Variants in FUT8 observed in about 807,000 individuals in gnomAD.
FUT8 encodes fucosyltransferase 8.
FUT8 carries 29 observed loss-of-function variants against 71.3 expected under a neutral mutation model. The ratio of observed to expected loss-of-function variants is 0.41; its 90% CI spans 0.30 to 0.55. The LOEUF is 0.55. FUT8 is among the 20% of genes least tolerant of loss of function. The pLI is 0.34. For synonymous variants in FUT8, 254 were observed against 239.3 expected (o/e 1.06, Z -0.57); for missense variants, 544 against 702.1 (o/e 0.77, Z 2.55).
intron 1 of FUT8, among the ~76,000 whole-genome samples, chr14:65,423,168 T>G (rs1008352893): frequency 7.9e-5 from 12 of 151,522 alleles, no homozygotes; most frequent in Admixed American, 2.6e-4. Context: ...GTATTTTTTG[T>G]AGAGACGGGG....
At chr14:65,497,585 T>C (rs1462908674) in intron 2 of FUT8, among the ~76,000 whole-genome samples, 1 of 152,138 alleles carries the variant, frequency 6.6e-6, no homozygotes, top group African/African-American at 2.4e-5. Flanking sequence ...ATTTTATTGG[T>C]AATGGAGGTG....
intron 6 of FUT8, among the ~76,000 whole-genome samples, chr14:65,658,503 A>G (rs952036950): frequency 1.3e-5 from 2 of 152,144 alleles, no homozygotes; most frequent in Non-Finnish European, 2.9e-5. Context: ...AGTTTGTAAT[A>G]ACCAAAAAGT....
At chr14:65,616,420 A>G (rs1889289728) in intron 5 of FUT8, 47 bp downstream of exon 5, 1 of 1,436,118 alleles carries the variant, frequency 7.0e-7, no homozygotes, top group African/African-American at 1.4e-5. Flanking sequence ...AAAAGATTAT[A>G]ATCTAAGAAT....
chr14:65,620,623 G>C (rs76601910), intron 5 of FUT8, among the ~76,000 whole-genome samples: 20,708 of 152,038 alleles, frequency 0.14, 1,903 homozygotes, highest in South Asian at 0.28. Flanking sequence ...AGTTAAGTTT[G>C]GTGAACCTTC....
intron 1 of FUT8, among the ~76,000 whole-genome samples, chr14:65,422,717 A>G (rs986925689): frequency 6.6e-6 from 1 of 152,024 alleles, no homozygotes; most frequent in Admixed American, 6.6e-5. Flanking sequence ...TGTGTTGCCC[A>G]GTCTGGTCTT....
chr14:65,580,378 T>A (rs1887023964), intron 3 of FUT8, among the ~76,000 whole-genome samples: 1 of 151,662 alleles, frequency 6.6e-6, no homozygotes, highest in Non-Finnish European at 1.5e-5. Flanking sequence ...GTGGGCCTAC[T>A]GTTATATATG....
At chr14:65,729,871 A>T (rs556543123) in intron 9 of FUT8, among the ~76,000 whole-genome samples, 4 of 152,344 alleles carry the variant, frequency 2.6e-5, no homozygotes, top group Admixed American at 2.0e-4. Context: ...ATATTCTGTT[A>T]TAAATATAGT....
Position 65,724,056 on chromosome 14 carries a change from A to G in FUT8, c.1083-91A>G, listed in dbSNP as rs551683778. 14 of 931,994 alleles carry G rather than the reference A, an allele frequency of 1.5e-5. 1 individual carries two copies. In the South Asian group the frequency reaches 3.5e-4, roughly 23 times the overall value. 57.7% of individuals were successfully genotyped at this position (931,994 alleles called of 1,614,324 possible). ...AAAGAAAAATCAGTTAAAAATGCCTATAATGCCACCATAAGTAGGGGTATA... is the reference window on the plus strand; with the variant it reads ...AAAGAAAAATCAGTTAAAAATGCCTGTAATGCCACCATAAGTAGGGGTATA... On this transcript the variant is annotated intron_variant, in intron 8 of 10. Coordinates refer to ENST00000673929, the MANE Select transcript of FUT8 (RefSeq NM_001371533.1).
chr14:65,403,954 AT>A, the FUT8 span, among the ~76,000 whole-genome samples: 1 of 149,552 alleles, frequency 6.7e-6, no homozygotes, highest in South Asian at 2.1e-4. Context: ...CTGGAGTGCA[AT>A]GGCATGATCT....
intron 7 of FUT8, among the ~76,000 whole-genome samples, chr14:65,702,041 T>A (rs1894323433): frequency 6.6e-6 from 1 of 152,176 alleles, no homozygotes; most frequent in Admixed American, 6.5e-5. Context: ...GTGCTTAACC[T>A]CAGCTATAAA....
In FUT8 at chr14:65,553,219, G is replaced by A. The variant is rs542764704; in HGVS notation, c.-227-8118G>A. ...ATAGTTGCATGTAGCTATTAAAGCA[G>A]TGTAGCTCTGGATCTTTATATATAT... On this transcript the variant is annotated intron_variant, in intron 2 of 10. Coordinates refer to ENST00000673929, the MANE Select transcript of FUT8 (RefSeq NM_001371533.1). Among the ~76,000 whole-genome samples the A allele has an allele frequency of 1.7e-4, 26 of 152,204 alleles. No homozygotes were observed. In the South Asian group the frequency reaches 5.2e-3, roughly 30 times the overall value.
intron 1 of FUT8, among the ~76,000 whole-genome samples, chr14:65,440,201 C>T (rs1214800437): frequency 6.6e-6 from 1 of 151,652 alleles, no homozygotes; most frequent in Non-Finnish European, 1.5e-5. Context: ...CAGGAGCTGT[C>T]AGCTGGGGAG....
intron 2 of FUT8, among the ~76,000 whole-genome samples, chr14:65,480,455 A>G (rs1047304333): frequency 6.6e-5 from 10 of 151,690 alleles, no homozygotes; most frequent in African/African-American, 2.4e-4. Flanking sequence ...AGCTGGAACT[A>G]CAGGTACACT....
chr14:65,738,101 A>G (rs1040493586), intron 10 of FUT8, among the ~76,000 whole-genome samples: 1 of 152,138 alleles, frequency 6.6e-6, no homozygotes, highest in Non-Finnish European at 1.5e-5. Flanking sequence ...TTGCATCCAC[A>G]GAGGCTCTAT....
At chr14:65,530,569 T>C (rs540322387) in intron 2 of FUT8, among the ~76,000 whole-genome samples, 73 of 152,324 alleles carry the variant, frequency 4.8e-4, no homozygotes, top group African/African-American at 1.7e-3. Flanking sequence ...TTAAATGTTA[T>C]TTAAATTAAT....
At chr14:65,613,786 T>TA (rs1232246079) in intron 3 of FUT8, among the ~76,000 whole-genome samples, 2 of 152,092 alleles carry the variant, frequency 1.3e-5, no homozygotes, top group African/African-American at 2.4e-5. Flanking sequence ...AGAGAAGCTA[T>TA]AAAAAACCTT....
Position 65,568,518 on chromosome 14 carries a change from A to AT in FUT8, c.203+6762dup, listed in dbSNP as rs796730935. ...AAAATACTTTAAAATTTGTATTGTG[A>AT]TTTTTTTTTTCTATGACCCATAGGT... On this transcript the variant is annotated intron_variant, in intron 3 of 10. Coordinates refer to ENST00000673929, the MANE Select transcript of FUT8 (RefSeq NM_001371533.1). 6.4e-3 allele frequency among the ~76,000 whole-genome samples: 943 copies of AT among 147,644 alleles called. 9 individuals carry two copies. Among genetic ancestry groups the AT allele is most frequent in the Admixed American group, 9.1e-3 (135 of 14,776 alleles).
chr14:65,457,138 T>C lies in FUT8; in HGVS notation c.-228+1420T>C, dbSNP rs74757511. 6.6e-4 allele frequency among the ~76,000 whole-genome samples: 100 copies of C among 152,300 alleles called. 2 individuals are homozygous for C. The East Asian group carries it at 0.019, about 29-fold the overall frequency. ...AACACCAGGTCTTATTTCTTCTAAG[T>C]GTATGTTTGTACCCATTAGTCAACC... On this transcript the variant is annotated intron_variant, in intron 2 of 10. Coordinates refer to ENST00000673929, the MANE Select transcript of FUT8 (RefSeq NM_001371533.1).
intron 5 of FUT8, among the ~76,000 whole-genome samples, chr14:65,618,010 C>CATATATATATATATATAT (rs149450437): frequency 1.1e-5 from 1 of 87,000 alleles, no homozygotes; most frequent in African/African-American, 3.9e-5. Context: ...AAAATTAATT[C>CATATATATATATATATAT]ATATATATAT....
Sources: gnomAD v4.1 joint callset for allele counts (sites outside exome capture counted in the v4.1 genomes callset) on GRCh38, gnomAD v4.1.1 for gene constraint, MANE v1.5 for transcripts, NCBI Gene and HGNC (gene_info 2026-07-23, HGNC 2026-07-21) for gene names.